Variants in CSGALNACT1 observed in about 807,000 individuals in gnomAD.
The protein encoded by CSGALNACT1 is beta4GalNAcT-1.
Under a neutral mutation model 51.0 loss-of-function variants are expected in CSGALNACT1, and 52 were observed. The ratio of observed to expected loss-of-function variants is 1.02; its 90% CI spans 0.82 to 1.29. The LOEUF is 1.29. Among genes scored for constraint, CSGALNACT1 ranks in the 50% most tolerant of loss-of-function variants. The pLI is 0.00. For missense variants in CSGALNACT1, 935 were observed against 679.2 expected, an observed-to-expected ratio of 1.38 and a Z score of -4.19; for synonymous variants, 341 against 254.4, an observed-to-expected ratio of 1.34 and a Z score of -3.24.
At chr8:19,657,172 G>C (rs906293501) in intron 1 of CSGALNACT1, among the ~76,000 whole-genome samples, 4 of 151,390 alleles carry the variant, frequency 2.6e-5, no homozygotes, top group Non-Finnish European at 5.9e-5. Flanking sequence ...GAGACAATTT[G>C]TGCACTTGGA....
chr8:19,449,320 C>T (rs989438625), intron 5 of CSGALNACT1, among the ~76,000 whole-genome samples: 2 of 152,170 alleles, frequency 1.3e-5, no homozygotes, highest in African/African-American at 4.8e-5. Context: ...ATCCAACTTG[C>T]AGCTCTGTTG....
chr8:19,436,837 G>C (rs948882480), intron 6 of CSGALNACT1, among the ~76,000 whole-genome samples: 1 of 152,200 alleles, frequency 6.6e-6, no homozygotes, highest in African/African-American at 2.4e-5. Context: ...TGTGAGCCCA[G>C]GAGTTGGAGG....
At chr8:19,522,035 T>C (rs144630307) in intron 3 of CSGALNACT1, among the ~76,000 whole-genome samples, 21 of 152,340 alleles carry the variant, frequency 1.4e-4, no homozygotes, top group African/African-American at 4.8e-4. Context: ...TTGAGACCAT[T>C]TGAGCCCTGC....
At chr8:19,685,681 G>T (rs556302816), upstream of CSGALNACT1, among the ~76,000 whole-genome samples, 37 of 152,182 alleles carry the variant, frequency 2.4e-4, no homozygotes, top group Non-Finnish European at 4.7e-4. Context: ...GATGGATTCA[G>T]ATGAGATGGA....
At chr8:19,418,888 C>T (rs2057393284) in intron 7 of CSGALNACT1, 138 bp from the exon 7 acceptor site, 1 of 704,506 alleles carries the variant, frequency 1.4e-6, no homozygotes, top group Non-Finnish European at 2.6e-6. Context: ...TCACTGTCAC[C>T]CAGGCTGCAA....
chr8:19,534,979 C>A (rs2083462421), intron 3 of CSGALNACT1, among the ~76,000 whole-genome samples: 1 of 152,076 alleles, frequency 6.6e-6, no homozygotes, highest in African/African-American at 2.4e-5. Context: ...TATGTGGTGG[C>A]TGACACCACC....
intron 1 of CSGALNACT1, among the ~76,000 whole-genome samples, chr8:19,668,030 A>G (rs142954959): frequency 2.6e-5 from 4 of 152,224 alleles, no homozygotes; most frequent in Non-Finnish European, 4.4e-5. Context: ...GAAAGTAAGA[A>G]TATAAAAACT....
chr8:19,546,850 C>A (rs966115087), intron 3 of CSGALNACT1, among the ~76,000 whole-genome samples: 8 of 152,244 alleles, frequency 5.3e-5, no homozygotes, highest in African/African-American at 1.7e-4. Context: ...GCCACCACAA[C>A]TGAGGTCCCC....
chr8:19,632,438 C>T (rs1418525425), intron 1 of CSGALNACT1, among the ~76,000 whole-genome samples: 6 of 152,234 alleles, frequency 3.9e-5, no homozygotes, highest in Non-Finnish European at 7.3e-5. Flanking sequence ...CCTAGAAAGT[C>T]TTCCAAACCA....
At chr8:19,492,238 T>C (rs955797357) in intron 4 of CSGALNACT1, among the ~76,000 whole-genome samples, 4 of 152,188 alleles carry the variant, frequency 2.6e-5, no homozygotes, top group African/African-American at 9.6e-5. Context: ...GCCCTCACAA[T>C]GAGATCAACC....
intron 1 of CSGALNACT1, among the ~76,000 whole-genome samples, chr8:19,717,242 C>T (rs879902375): frequency 7.9e-5 from 12 of 152,210 alleles, no homozygotes; most frequent in Admixed American, 2.0e-4. Context: ...TGAAGCCACA[C>T]CAGTTAAAAG....
intron 1 of CSGALNACT1, among the ~76,000 whole-genome samples, chr8:19,687,741 G>A (rs1364939377): frequency 6.6e-6 from 1 of 152,142 alleles, no homozygotes; most frequent in Non-Finnish European, 1.5e-5. Context: ...TAAAGAAAAA[G>A]ACTACATAAA....
intron 1 of CSGALNACT1, among the ~76,000 whole-genome samples, chr8:19,607,974 T>C (rs2051632524): frequency 6.6e-6 from 1 of 150,464 alleles, no homozygotes; most frequent in African/African-American, 2.4e-5. Flanking sequence ...GAAGAGAAGC[T>C]TAAAAAGAGA....
chr8:19,660,324 T>C lies in CSGALNACT1; in HGVS notation c.-544+22149A>G, dbSNP rs1406955946. 2.0e-5 allele frequency among the ~76,000 whole-genome samples: 3 copies of C among 152,318 alleles called. No homozygotes were observed. The East Asian group carries it at 5.8e-4, about 29-fold the overall frequency. On this transcript the variant is annotated intron_variant, in intron 1 of 9. Coordinates refer to the CSGALNACT1 transcript ENST00000332246. ...CAAACTTGAGTTACAGTCCAAGATC[T>C]TAACTGCACAACCTCAAGCAAATTA...
chr8:19,682,608 C>T (rs1351149823), upstream of CSGALNACT1: 3 of 453,854 alleles, frequency 6.6e-6, no homozygotes, highest in South Asian at 1.6e-5. Context: ...TACACTGGGA[C>T]TTCAGAGCCC....
upstream of CSGALNACT1, among the ~76,000 whole-genome samples, chr8:19,685,985 C>T (rs1433693056): frequency 6.6e-6 from 1 of 152,150 alleles, no homozygotes; most frequent in Admixed American, 6.5e-5. Flanking sequence ...GAAACAATCG[C>T]GTAAGTACAC....
At chr8:19,694,221 T>C (rs976883810) in intron 1 of CSGALNACT1, among the ~76,000 whole-genome samples, 1 of 152,174 alleles carries the variant, frequency 6.6e-6, no homozygotes, top group Non-Finnish European at 1.5e-5. Context: ...GCTACAAAGA[T>C]ACAACAGATG....
rs776230720 is a variant in CSGALNACT1, at chr8:19,418,758, C to T, written c.1133-8G>A. The T allele has an allele frequency of 6.3e-7, 1 of 1,585,270 alleles. No homozygotes were observed. The highest frequency in any genetic ancestry group is 1.1e-5 in the South Asian group (1 of 90,382). On this transcript the variant is annotated splice_region_variant and splice_polypyrimidine_tract_variant and intron_variant, in intron 7 of 9. Transcript: ENST00000454498. ...GATAAAATACCTTCTTCCCTACAAA[C>T]CAGAAAACAAACATTCACTTAAAGT...
At chr8:19,540,927 T>C (rs771770349) in intron 3 of CSGALNACT1, among the ~76,000 whole-genome samples, 99 of 152,310 alleles carry the variant, frequency 6.5e-4, no homozygotes, top group Non-Finnish European at 1.1e-3. Flanking sequence ...CACTGAGCTA[T>C]AGCTGCCAGT....
Sources: allele counts gnomAD v4.1 joint callset (sites outside exome capture counted in the v4.1 genomes callset), GRCh38; gene constraint gnomAD v4.1.1; transcripts MANE v1.5; gene names NCBI Gene and HGNC (gene_info 2026-07-23, HGNC 2026-07-21).